Variants in ZNF385D observed in about 807,000 individuals in gnomAD.
The protein encoded by ZNF385D is zinc finger protein 659.
In ZNF385D, 15 loss-of-function variants were observed where a neutral mutation model predicts 35.8. That is an observed-to-expected ratio of 0.42 (90% CI 0.28 to 0.64). ZNF385D has a LOEUF of 0.64. ZNF385D is among the 30% of genes least tolerant of loss of function. ZNF385D has a pLI of 0.23. For synonymous variants in ZNF385D, 212 were observed against 186.8 expected (o/e 1.13, Z -1.10); for missense variants, 474 against 494.6 (o/e 0.96, Z 0.39).
intron 2 of ZNF385D, among the ~76,000 whole-genome samples, chr3:22,361,756 T>C (rs1696418203): frequency 6.6e-6 from 1 of 152,000 alleles, no homozygotes; most frequent in Non-Finnish European, 1.5e-5. Context: ...GTTCACTATT[T>C]AATGTTGCCA....
rs114090046 is a variant in ZNF385D, at chr3:21,966,134, G to A, written c.325+202683C>T. Among the ~76,000 whole-genome samples, 731 of 152,210 alleles carry A rather than the reference G, an allele frequency of 4.8e-3. 4 individuals are homozygous for A. Among genetic ancestry groups the A allele is most frequent in the Admixed American group, 7.6e-3 (116 of 15,292 alleles). On this transcript the variant is annotated intron_variant, in intron 3 of 5. Coordinates refer to the ZNF385D transcript ENST00000494108. The stretch of plus-strand genomic sequence containing the variant: ...CAATAGATACAGAGACATTTTTGTA[G>A]GTTCTCCATACTGAGTAGTGCAGTT...
At chr3:21,451,647 A>T (rs1702468053) in intron 4 of ZNF385D, among the ~76,000 whole-genome samples, 1 of 152,098 alleles carries the variant, frequency 6.6e-6, no homozygotes, top group South Asian at 2.1e-4. Flanking sequence ...AAAATAAAAC[A>T]AATGCATGAC....
intron 2 of ZNF385D, among the ~76,000 whole-genome samples, chr3:21,653,157 AC>A (rs2065968494): frequency 6.6e-6 from 1 of 152,144 alleles, no homozygotes. Context: ...TAATTCTATT[AC>A]ATTTTGCAAC....
intron 3 of ZNF385D, among the ~76,000 whole-genome samples, chr3:22,034,574 A>G (rs1269784039): frequency 6.6e-6 from 1 of 152,212 alleles, no homozygotes; most frequent in Non-Finnish European, 1.5e-5. Context: ...AATTGTAAAA[A>G]TATGTATTAA....
intron 1 of ZNF385D, among the ~76,000 whole-genome samples, chr3:21,702,605 T>C (rs2067732375): frequency 1.3e-5 from 2 of 152,252 alleles, no homozygotes; most frequent in South Asian, 4.1e-4. Flanking sequence ...TCTTTTCGAC[T>C]GCATCATCAG....
chr3:22,245,333 C>T (rs1699717192), intron 2 of ZNF385D, among the ~76,000 whole-genome samples: 1 of 152,034 alleles, frequency 6.6e-6, no homozygotes, highest in Non-Finnish European at 1.5e-5. Flanking sequence ...TGTCCTGGGG[C>T]TAGTCCAGCT....
At position 22,292,502 on chromosome 3, in the gene ZNF385D, G is replaced by A. The variant is rs539204816; in HGVS notation, c.106+79948C>T. 2.0e-5 allele frequency among the ~76,000 whole-genome samples: 3 copies of A among 152,044 alleles called. No individual in the cohort carries two copies. The South Asian group carries it at 6.2e-4, about 32-fold the overall frequency. ...GGATAGTACTTGATCGCCCAGTACT[G>A]GCACTATTTCTAGAACTATGTGAGA... On this transcript the variant is annotated intron_variant, in intron 2 of 5. Coordinates refer to the ZNF385D transcript ENST00000494108.
intron 3 of ZNF385D, among the ~76,000 whole-genome samples, chr3:21,845,895 G>C (rs922267688): frequency 6.6e-6 from 1 of 151,926 alleles, no homozygotes; most frequent in African/African-American, 2.4e-5. Flanking sequence ...ACACAAAAAA[G>C]AGGCTCCCAG....
chr3:21,816,905 G>T (rs1270230907), intron 3 of ZNF385D, among the ~76,000 whole-genome samples: 1 of 152,144 alleles, frequency 6.6e-6, no homozygotes, highest in African/African-American at 2.4e-5. Flanking sequence ...AACAAAGCTG[G>T]AGGCATCACA....
At chr3:21,920,005 C>T (rs1700373822) in intron 3 of ZNF385D, among the ~76,000 whole-genome samples, 1 of 152,176 alleles carries the variant, frequency 6.6e-6, no homozygotes, top group South Asian at 2.1e-4. Context: ...CATCACATTG[C>T]ATTGAAATCA....
chr3:21,650,799 G>C (rs1248032646), intron 2 of ZNF385D, among the ~76,000 whole-genome samples: 3 of 152,086 alleles, frequency 2.0e-5, no homozygotes, highest in Non-Finnish European at 4.4e-5. Context: ...CAGTTTCTGA[G>C]ACCAGTGTGT....
intron 3 of ZNF385D, among the ~76,000 whole-genome samples, chr3:21,823,171 C>A (rs1390082313): frequency 6.6e-6 from 1 of 151,970 alleles, no homozygotes; most frequent in Non-Finnish European, 1.5e-5. Context: ...ATGATATGCT[C>A]CATAAAAACT....
At chr3:21,518,538 G>A (rs1411382042) in intron 3 of ZNF385D, among the ~76,000 whole-genome samples, 1 of 152,064 alleles carries the variant, frequency 6.6e-6, no homozygotes, top group Non-Finnish European at 1.5e-5. Context: ...GTAATAATAA[G>A]CAAAAATCAA....
At chr3:21,574,526 G>A (rs2125686528) in intron 2 of ZNF385D, among the ~76,000 whole-genome samples, 1 of 152,196 alleles carries the variant, frequency 6.6e-6, no homozygotes, top group South Asian at 2.1e-4. Flanking sequence ...CTGGATTTTT[G>A]ATAATAATGA....
chr3:21,728,169 A>C (rs1028093056), intron 1 of ZNF385D, among the ~76,000 whole-genome samples: 2 of 152,194 alleles, frequency 1.3e-5, no homozygotes, highest in Admixed American at 1.3e-4. Context: ...TAGCATTAGG[A>C]GAAATACCTA....
In ZNF385D at chr3:22,013,820, A is replaced by T. The variant is rs932772675; in HGVS notation, c.325+154997T>A. ...AGAGGAGACTCATTCTCAGAGCACA[A>T]GTGTTCCACAGCAACCCCCTCCCCC... On this transcript the variant is annotated intron_variant, in intron 3 of 5. Coordinates refer to the ZNF385D transcript ENST00000494108. Among the ~76,000 whole-genome samples, 3 of 152,100 alleles carry T rather than the reference A, an allele frequency of 2.0e-5. No individual in the cohort carries two copies. The South Asian group carries it at 6.2e-4, about 31-fold the overall frequency.
At chr3:22,355,096 C>T (rs1010298518) in intron 2 of ZNF385D, among the ~76,000 whole-genome samples, 3 of 151,962 alleles carry the variant, frequency 2.0e-5, no homozygotes, top group Non-Finnish European at 4.4e-5. Context: ...AAGTGTATTT[C>T]AATGTCAATA....
intron 2 of ZNF385D, among the ~76,000 whole-genome samples, chr3:21,604,727 C>T (rs17009125): frequency 0.22 from 33,861 of 151,882 alleles, 5,908 homozygotes; most frequent in African/African-American, 0.49. Flanking sequence ...TTGTAAGAGT[C>T]TGAGTGAACA....
At chr3:21,819,872 C>A (rs2073328041) in intron 3 of ZNF385D, among the ~76,000 whole-genome samples, 1 of 148,044 alleles carries the variant, frequency 6.8e-6, no homozygotes, top group African/African-American at 2.5e-5. Context: ...CATATATACA[C>A]ACATAATTAG....
Sources: allele counts gnomAD v4.1 joint callset (sites outside exome capture counted in the v4.1 genomes callset), GRCh38; gene constraint gnomAD v4.1.1; transcripts MANE v1.5; gene names NCBI Gene and HGNC (gene_info 2026-07-23, HGNC 2026-07-21).